The following TCF20 variants were observed in gnomAD, a reference collection of about 807,000 sequenced individuals.
TCF20 encodes the protein SPRE-binding protein.
A neutral mutation model predicts 148.6 loss-of-function variants in TCF20; 3 were observed. The observed-to-expected ratio is 0.02, with a 90% CI of 0.01 to 0.05. The LOEUF is 0.05. Among genes scored for constraint, TCF20 ranks in the 10% least tolerant of loss-of-function variants. TCF20 has a pLI of 1.00. For missense variants in TCF20, 2,350 were observed against 2,429.3 expected (o/e 0.97, Z 0.69); for synonymous variants, 1,049 against 909.5 (o/e 1.15, Z -2.76).
Position 42,212,734 on chromosome 22 carries a change from C to T in TCF20, c.2572G>A (p.Gly858Ser). The change falls in exon 2 of 6, where the codon GGT becomes AGT. Residue 858 changes from glycine (G) to serine (S), a missense_variant. Physicochemically the swap from Gly to Ser is moderately conservative, Grantham distance 56. Around this residue, in one of 7 missense-constraint regions of TCF20, gnomAD observed 1,641 missense variants for 1,662.6 expected, o/e 0.99. Transcript: ENST00000677622. Reference sequence around the variant, plus strand: ...ACTGATCTTCTTTCAGAGAGGGAACCCCCAGGCTCATGTGCTGATGACTGA... The same window carrying T: ...ACTGATCTTCTTTCAGAGAGGGAACTCCCAGGCTCATGTGCTGATGACTGA... Reference protein sequence around the residue: ...EPQSSAHEPGGSLSERRSVIC... With the variant: ...EPQSSAHEPGSSLSERRSVIC... The T allele has an allele frequency of 2.5e-6, 4 of 1,614,162 alleles. No homozygotes were observed. Among genetic ancestry groups the T allele is most frequent in the Non-Finnish European group, 3.4e-6 (4 of 1,180,032 alleles).
intron 1 of TCF20, among the ~76,000 whole-genome samples, chr22:42,336,855 C>A (rs925774047): frequency 6.6e-5 from 10 of 152,180 alleles, no homozygotes; most frequent in Non-Finnish European, 8.8e-5. Flanking sequence ...TTGCAGAGAC[C>A]TCTCCAGAGG....
chr22:42,270,531 C>A lies in TCF20; in HGVS notation c.-229G>T, dbSNP rs1053384123. Among the ~76,000 whole-genome samples the A allele has an allele frequency of 1.6e-4, 24 of 145,696 alleles. No homozygotes were observed. The highest frequency in any genetic ancestry group is 5.9e-4 in the African/African-American group (24 of 40,754). On this transcript the variant is annotated 5_prime_UTR_variant, in exon 1 of 6. Transcript: ENST00000677622. ...AGGCTCGCTCCGGCCCGCGCGCTCG[C>A]TCCCCGGTCAGGCGCGCCTCAGGGC...
rs556120460 is a variant in TCF20 at position 42,167,400 on chromosome 22, T to A, written c.*44+1209A>T. Among the ~76,000 whole-genome samples the A allele has an allele frequency of 2.0e-5, 3 of 152,234 alleles. No homozygotes were observed. The East Asian group carries it at 5.8e-4, about 29-fold the overall frequency. On this transcript the variant is annotated intron_variant, in intron 5 of 5. Transcript: ENST00000677622. ...GACACGTCTAGCGTAGCTGTGTGAG[T>A]CAAACTCCTGAGGTCGACACAGAAG...
chr22:42,223,091 G>A (rs892002317), intron 1 of TCF20, among the ~76,000 whole-genome samples: 2 of 152,210 alleles, frequency 1.3e-5, no homozygotes, highest in Non-Finnish European at 2.9e-5. Flanking sequence ...AGAGGTTGCA[G>A]TGAGCCGAGG....
intron 1 of TCF20, among the ~76,000 whole-genome samples, chr22:42,226,425 G>A (rs572146151): frequency 6.6e-5 from 10 of 152,308 alleles, no homozygotes; most frequent in South Asian, 2.1e-4. Flanking sequence ...TTTTGAGGCC[G>A]GGCCTGGTGG....
At position 42,212,926 on chromosome 22, in the gene TCF20, G is replaced by T; in HGVS notation, c.2380C>A (p.Gln794Lys). 1 of 1,614,150 alleles carries T rather than the reference G, an allele frequency of 6.2e-7. No homozygotes were observed. The highest frequency in any genetic ancestry group is 8.5e-7 in the Non-Finnish European group (1 of 1,180,022). The change falls in exon 2 of 6, where the codon CAA (glutamine) becomes AAA (lysine). Residue 794 changes from glutamine to lysine, a missense_variant. Transcript: ENST00000677622. ...CCCCTGCTAGCTAATTCATTGGTTT[G>T]ACTAACCAAGACATTGGGCCTTGTG... ...GTTRPNVLVS[Q>K]TNELASRGLL...
chr22:42,300,744 C>T (rs1204278769), intron 1 of TCF20, among the ~76,000 whole-genome samples: 1 of 152,104 alleles, frequency 6.6e-6, no homozygotes, highest in East Asian at 1.9e-4. Flanking sequence ...CAGCCCCACT[C>T]ATCACCCTGA....
At chr22:42,246,286 G>T (rs1924897434) in intron 1 of TCF20, among the ~76,000 whole-genome samples, 1 of 152,088 alleles carries the variant, frequency 6.6e-6, no homozygotes, top group Non-Finnish European at 1.5e-5. Flanking sequence ...CGTATTTTTG[G>T]TAGAGACAGG....
In TCF20 at chr22:42,207,350, CA is replaced by C. The variant is rs61476641; in HGVS notation, c.5655+2300del. Among the ~76,000 whole-genome samples, 203 of 141,986 alleles carry C rather than the reference CA, an allele frequency of 1.4e-3. 2 individuals are homozygous for C. In the East Asian group the frequency reaches 0.03, roughly 21 times the overall value. The allele number at this position is 141,986 out of a possible 152,430, so 93.1% of individuals were successfully genotyped here. A position where few individuals can be genotyped will look rare whatever the true frequency, so the allele number is the denominator to read the frequency against. On this transcript the variant is annotated intron_variant, in intron 2 of 5. Transcript: ENST00000677622. ...GAAATCTCAAGATTTTTCTCTGGAA[CA>C]AAAAAAAAAATGTTTTTTTTTCCTC...
At chr22:42,303,645 G>A (rs562751320) in intron 1 of TCF20, among the ~76,000 whole-genome samples, 265 of 152,362 alleles carry the variant, frequency 1.7e-3, no homozygotes, top group Admixed American at 4.8e-3. Flanking sequence ...AGGTGAAGGA[G>A]CCACACTCCC....
chr22:42,245,361 T>G (rs1041626829), intron 1 of TCF20, among the ~76,000 whole-genome samples: 2 of 152,230 alleles, frequency 1.3e-5, no homozygotes, highest in South Asian at 2.1e-4. Context: ...CGTCAACTAC[T>G]GTGTCCAGCC....
At chr22:42,265,976 G>C (rs1926265751) in intron 1 of TCF20, among the ~76,000 whole-genome samples, 2 of 151,850 alleles carry the variant, frequency 1.3e-5, no homozygotes, top group African/African-American at 4.8e-5. Flanking sequence ...CAAGGTAAAA[G>C]TTTAGGGAAC....
intron 1 of TCF20, among the ~76,000 whole-genome samples, chr22:42,241,135 G>A (rs982281804): frequency 3.9e-5 from 6 of 152,200 alleles, no homozygotes; most frequent in Admixed American, 1.3e-4. Context: ...TGGGATTACA[G>A]GCCTTAGCCA....
upstream of TCF20, among the ~76,000 whole-genome samples, chr22:42,271,714 C>G (rs1212267520): frequency 6.6e-6 from 1 of 152,108 alleles, no homozygotes; most frequent in Non-Finnish European, 1.5e-5. Context: ...ATTGCCGATT[C>G]TAAATTAGGC....
rs552166978 is a variant in TCF20, at chr22:42,214,337, GTGT to G, written c.966_968del (p.Gln322del). 2,301 of 1,614,204 alleles carry G rather than the reference GTGT, an allele frequency of 1.4e-3. 2 individuals are homozygous for G. Among genetic ancestry groups the G allele is most frequent in the Non-Finnish European group, 1.7e-3 (2,014 of 1,180,038 alleles). The stretch of plus-strand genomic sequence containing the variant: ...TATACTGCATCACATGCTGAGAAGG[GTGT>G]TGTTGTTGCTGCGGTTGCTGCTGCT... On this transcript the variant is annotated inframe_deletion, in exon 2 of 6. Transcript: ENST00000677622.
At chr22:42,209,562 A>G in intron 2 of TCF20, 89 bp downstream of exon 2, 1 of 1,426,092 alleles carries the variant, frequency 7.0e-7, no homozygotes, top group Non-Finnish European at 9.5e-7. Flanking sequence ...TGGAGGAATA[A>G]TCATGTGACA....
intron 1 of TCF20, among the ~76,000 whole-genome samples, chr22:42,242,328 T>C (rs758115045): frequency 6.6e-6 from 1 of 151,190 alleles, no homozygotes; most frequent in Non-Finnish European, 1.5e-5. Flanking sequence ...AGGAGAAGTA[T>C]TGGGAATTTT....
intron 1 of TCF20, among the ~76,000 whole-genome samples, chr22:42,216,574 T>C (rs1921828124): frequency 1.3e-5 from 2 of 152,216 alleles, no homozygotes; most frequent in Non-Finnish European, 2.9e-5. Flanking sequence ...AGCCAGTGAA[T>C]AGCAGTGACT....
At chr22:42,240,851 C>T (rs1416068771) in intron 1 of TCF20, among the ~76,000 whole-genome samples, 1 of 151,880 alleles carries the variant, frequency 6.6e-6, no homozygotes, top group Non-Finnish European at 1.5e-5. Flanking sequence ...AAACTCAAAT[C>T]TTCAACTTTT....
Sources: allele counts gnomAD v4.1 joint callset (sites outside exome capture counted in the v4.1 genomes callset), GRCh38; gene constraint gnomAD v4.1.1; regional missense constraint gnomAD v4.1.1; transcripts MANE v1.5; gene names NCBI Gene and HGNC (gene_info 2026-07-23, HGNC 2026-07-21).